DPYSL2: variants seen among roughly 807,000 people sequenced by gnomAD.
DPYSL2 encodes dihydropyrimidinase-related protein 2.
In DPYSL2, 13 loss-of-function variants were observed where a neutral mutation model predicts 69.9. The ratio of observed to expected loss-of-function variants is 0.19; its 90% CI spans 0.12 to 0.30. The LOEUF (loss-of-function observed/expected upper bound fraction) is 0.30. Among genes scored for constraint, DPYSL2 ranks in the 10% least tolerant of loss-of-function variants. The pLI is 1.00. For synonymous variants in DPYSL2, 326 were observed against 359.1 expected (o/e 0.91, Z 1.04); for missense variants, 587 against 918.9 (o/e 0.64, Z 4.67).
At chr8:26,524,801 CAAAAAAAAAAAAAAAAAAA>C (rs753822230) in intron 1 of DPYSL2, among the ~76,000 whole-genome samples, 1 of 41,086 alleles carries the variant, frequency 2.4e-5, no homozygotes, top group African/African-American at 1.0e-4. Context: ...GACTCTGTCT[CAAAAAAAAAAAAAAAAAAA>C]AAAAAAAAAA....
Position 26,588,561 on chromosome 8 carries a change from A to T in DPYSL2, c.628+4578A>T, listed in dbSNP as rs943545309. ...TAGAGGAGGTGCACCCTCAGGCACA[A>T]CATACCCAGCAGGCTTCCTGGTCCC... is the stretch of plus-strand genomic sequence containing the variant. On this transcript the variant is annotated intron_variant, in intron 3 of 13. Coordinates refer to ENST00000521913, the MANE Select transcript of DPYSL2 (RefSeq NM_001197293.3). This position sits in a 1 kb window ranked among gnomAD's most constrained non-coding sequence, Gnocchi z 5.4. 6.6e-6 allele frequency among the ~76,000 whole-genome samples: 1 copy of T among 152,140 alleles called. No individual in the cohort carries two copies. Among genetic ancestry groups the T allele is most frequent in the African/African-American group, 2.4e-5 (1 of 41,432 alleles).
intron 7 of DPYSL2, among the ~76,000 whole-genome samples, chr8:26,630,262 C>G (rs543772931): frequency 1.3e-5 from 2 of 152,208 alleles, no homozygotes; most frequent in South Asian, 4.1e-4. Context: ...CCCTCTGGGC[C>G]GGCTTCTGTG....
At chr8:26,525,367 C>T (rs1808460086) in intron 1 of DPYSL2, among the ~76,000 whole-genome samples, 1 of 152,122 alleles carries the variant, frequency 6.6e-6, no homozygotes, top group Non-Finnish European at 1.5e-5. Flanking sequence ...ACTACAGGCA[C>T]ATGCCACCAT....
At chr8:26,542,130 T>G (rs1017022345) in intron 1 of DPYSL2, among the ~76,000 whole-genome samples, 4 of 151,904 alleles carry the variant, frequency 2.6e-5, no homozygotes, top group Admixed American at 1.3e-4. Flanking sequence ...TACAAAAAAA[T>G]TTTAAAAATT....
At chr8:26,530,089 G>A (rs1218771123) in intron 1 of DPYSL2, among the ~76,000 whole-genome samples, 6 of 125,180 alleles carry the variant, frequency 4.8e-5, no homozygotes, top group African/African-American at 1.6e-4. Context: ...TCCAGCTTGG[G>A]CAACAAGAGG....
In DPYSL2 at chr8:26,644,713, A is replaced by G. The variant is rs2129974317; in HGVS notation, c.1425+622A>G. On this transcript the variant is annotated intron_variant, in intron 10 of 13. Transcript: ENST00000521913. The surrounding 1 kb of genome is among the most constrained non-coding windows in gnomAD (Gnocchi z 4.5). ...TCAGGAACAAACTTCCTTAGCAACC[A>G]GGTGACTTACTCAGTTAATCCTCGT... 2.0e-5 allele frequency among the ~76,000 whole-genome samples: 3 copies of G among 152,248 alleles called. No individual in the cohort carries two copies. Among genetic ancestry groups the G allele is most frequent in the Middle Eastern group, 3.4e-3 (1 of 294 alleles).
In DPYSL2 at chr8:26,556,354, A is replaced by C. The variant is rs370092531; in HGVS notation, c.355-25615A>C. Among the ~76,000 whole-genome samples the C allele has an allele frequency of 1.3e-3, 18 of 14,050 alleles. 1 individual carries two copies. Among genetic ancestry groups the C allele is most frequent in the South Asian group, 4.6e-3 (2 of 436 alleles). The allele number at this position is 14,050 out of a possible 152,430, so 9.2% of individuals were successfully genotyped here. A position where few individuals can be genotyped will look rare whatever the true frequency, so the allele number is the denominator to read the frequency against. On this transcript the variant is annotated intron_variant, in intron 1 of 13. Coordinates refer to ENST00000521913, the MANE Select transcript of DPYSL2 (RefSeq NM_001197293.3). ...TATATATATAGTATATATATATAGT[A>C]TATATATATAGTATATATATATAGT...
intron 7 of DPYSL2, among the ~76,000 whole-genome samples, chr8:26,631,578 TG>T (rs1802775336): frequency 6.6e-6 from 1 of 152,164 alleles, no homozygotes; most frequent in South Asian, 2.1e-4. Context: ...CATTTTTACG[TG>T]ATTAGGCCCA....
intron 1 of DPYSL2, among the ~76,000 whole-genome samples, chr8:26,541,893 A>T (rs1286393585): frequency 6.6e-6 from 1 of 152,262 alleles, no homozygotes; most frequent in Non-Finnish European, 1.5e-5. Context: ...ACAATGCAAG[A>T]CAAATAGAAA....
intron 1 of DPYSL2, among the ~76,000 whole-genome samples, chr8:26,521,292 G>A (rs906987987): frequency 6.6e-5 from 10 of 152,126 alleles, no homozygotes; most frequent in African/African-American, 2.4e-4. Context: ...TGATTCTGAG[G>A]GCACTCTGCA....
chr8:26,580,839 A>G lies in DPYSL2; in HGVS notation c.355-1130A>G, dbSNP rs779346535. ...GGTTTAAGCCCATTCTGTATAATAC[A>G]GGTGCATATTTACTGAACACTCGAT... On this transcript the variant is annotated intron_variant, in intron 1 of 13. Coordinates refer to ENST00000521913, the MANE Select transcript of DPYSL2 (RefSeq NM_001197293.3). This position sits in a 1 kb window ranked among gnomAD's most constrained non-coding sequence, Gnocchi z 4.1. 6.6e-6 allele frequency among the ~76,000 whole-genome samples: 1 copy of G among 152,232 alleles called. No homozygotes were observed. The highest frequency in any genetic ancestry group is 2.4e-5 in the African/African-American group (1 of 41,464).
chr8:26,652,161 CTT>C lies in DPYSL2; in HGVS notation c.1597-93_1597-92del, dbSNP rs969183622. 7.2e-6 allele frequency: 9 copies of C among 1,246,084 alleles called. No individual in the cohort carries two copies. In the African/African-American group the frequency reaches 1.2e-4, roughly 17 times the overall value. 77.2% of individuals were successfully genotyped at this position (1,246,084 alleles called of 1,614,324 possible). A position where few individuals can be genotyped will look rare whatever the true frequency, so the allele number is the denominator to read the frequency against. ...ACAGGATCCCTGTCTCTGAGTCTCT[CTT>C]TTGTCTCTGTGGGGTTGGGGCAGTG... On this transcript the variant is annotated intron_variant, in intron 11 of 13. Transcript: ENST00000521913. The surrounding 1 kb of genome is among the most constrained non-coding windows in gnomAD (Gnocchi z 6.3).
intron 1 of DPYSL2, among the ~76,000 whole-genome samples, chr8:26,551,275 T>C (rs1800870289): frequency 6.6e-6 from 1 of 152,204 alleles, no homozygotes; most frequent in Non-Finnish European, 1.5e-5. Flanking sequence ...AAAGGAAAGT[T>C]AGAATAGGTA....
chr8:26,653,279 G>C lies in DPYSL2; in HGVS notation c.1824G>C (p.Val608=). The change falls in exon 13 of 14, where the codon GTG becomes GTC. Residue 608 remains valine, a synonymous_variant. Transcript: ENST00000521913. This position sits in a 1 kb window ranked among gnomAD's most constrained non-coding sequence, Gnocchi z 5.7. ...GVPRGLYDGP[V]CEVSVTPKTV... is the part of the protein sequence containing the mutation. Reference sequence around the variant, plus strand: ...CTCGTGGCCTGTATGACGGACCTGTGTGTGAAGTGTCTGTGACGCCCAAGA... The same window carrying C: ...CTCGTGGCCTGTATGACGGACCTGTCTGTGAAGTGTCTGTGACGCCCAAGA... 2 of 1,614,156 alleles carry C rather than the reference G, an allele frequency of 1.2e-6. No homozygotes were observed. Among genetic ancestry groups the C allele is most frequent in the Non-Finnish European group, 1.7e-6 (2 of 1,180,032 alleles).
chr8:26,556,216 ATATAGTATATATAGTATT>A (rs1800963957), intron 1 of DPYSL2, among the ~76,000 whole-genome samples: 1 of 15,522 alleles, frequency 6.4e-5, no homozygotes. Flanking sequence ...TATATACTAT[ATATAGTATATATAGTATT>A]TATATAATAT....
intron 3 of DPYSL2, among the ~76,000 whole-genome samples, chr8:26,607,734 G>A (rs1563407530): frequency 6.6e-6 from 1 of 151,602 alleles, no homozygotes; most frequent in Non-Finnish European, 1.5e-5. Flanking sequence ...AGGCTGCAGT[G>A]AGCTATGATC....
At position 26,514,396 on chromosome 8, in the gene DPYSL2, G is replaced by T; in HGVS notation, c.71G>T (p.Gly24Val). The part of the protein sequence containing the change: ...EEVPAFFKNL[G>V]SGSPKPRQKF... ...GTCCCTGCTTTTTTTAAAAACCTGG[G>T]CTCCGGCAGCCCCAAGCCCCGGCAG... Residue 24 changes from glycine to valine, a missense_variant, in exon 1 of 14, where the codon GGC (glycine) becomes GTC (valine). Physicochemically the swap from Gly to Val is moderately radical, Grantham distance 109 (BLOSUM62 -3). Coordinates refer to ENST00000521913, the MANE Select transcript of DPYSL2 (RefSeq NM_001197293.3). This position sits in a 1 kb window ranked among gnomAD's most constrained non-coding sequence, Gnocchi z 8.4. 6.6e-7 allele frequency: 1 copy of T among 1,516,264 alleles called. No individual in the cohort carries two copies. Among genetic ancestry groups the T allele is most frequent in the Non-Finnish European group, 8.8e-7 (1 of 1,138,634 alleles). The allele number at this position is 1,516,264 out of a possible 1,614,324, so 93.9% of individuals were successfully genotyped here.
At chr8:26,566,766 T>C (rs1034108971) in intron 1 of DPYSL2, among the ~76,000 whole-genome samples, 1 of 152,214 alleles carries the variant, frequency 6.6e-6, no homozygotes, top group Non-Finnish European at 1.5e-5. Flanking sequence ...GAGTCTATGT[T>C]AGACTCAAGT....
At chr8:26,612,261 G>A (rs1802246979) in intron 3 of DPYSL2, among the ~76,000 whole-genome samples, 1 of 152,184 alleles carries the variant, frequency 6.6e-6, no homozygotes, top group South Asian at 2.1e-4. Flanking sequence ...GAGTGAAGAG[G>A]TGACACATTT....
Sources: allele counts gnomAD v4.1 joint callset (sites outside exome capture counted in the v4.1 genomes callset), GRCh38; gene constraint gnomAD v4.1.1; non-coding constraint Gnocchi (gnomAD v3.1); transcripts MANE v1.5; gene names NCBI Gene and HGNC (gene_info 2026-07-23, HGNC 2026-07-21).